Variants in CLDN16 observed in about 807,000 individuals in gnomAD.
CLDN16 encodes the protein claudin 16.
Under a neutral mutation model 24.6 loss-of-function variants are expected in CLDN16, and 13 were observed. The observed-to-expected ratio is 0.53, with a 90% CI of 0.34 to 0.84. The LOEUF (loss-of-function observed/expected upper bound fraction) is 0.84. Ranked by LOEUF, CLDN16 falls within the 40% of genes least tolerant of loss-of-function variation. The pLI is 0.01. For missense variants in CLDN16, 298 were observed against 292.7 expected, an observed-to-expected ratio of 1.02 and a Z score of -0.13; for synonymous variants, 116 against 106.7, an observed-to-expected ratio of 1.09 and a Z score of -0.54.
intron 1 of CLDN16, among the ~76,000 whole-genome samples, chr3:190,362,694 A>AT (rs1717917525): frequency 6.6e-6 from 1 of 152,022 alleles, no homozygotes; most frequent in Admixed American, 6.6e-5. Context: ...TAAATAAAAA[A>AT]TTGCAAGTTG....
At chr3:190,328,094 C>T (rs1364520997) in intron 1 of CLDN16, among the ~76,000 whole-genome samples, 1 of 141,488 alleles carries the variant, frequency 7.1e-6, no homozygotes, top group African/African-American at 2.7e-5. Flanking sequence ...CTAGCCTGAA[C>T]AAAATAGTAA....
chr3:190,335,438 G>C (rs913279819), intron 1 of CLDN16, among the ~76,000 whole-genome samples: 3 of 151,990 alleles, frequency 2.0e-5, no homozygotes, highest in Admixed American at 2.0e-4. Context: ...ATCCTGGCTG[G>C]GTGCAGTGGC....
At chr3:190,300,830 A>G in the CLDN16 span, among the ~76,000 whole-genome samples, 1 of 152,204 alleles carries the variant, frequency 6.6e-6, no homozygotes, top group Non-Finnish European at 1.5e-5. Context: ...TAAAGATGCA[A>G]TTATTAAAAG....
chr3:190,352,421 C>G (rs1208847153), intron 1 of CLDN16, among the ~76,000 whole-genome samples: 1 of 152,076 alleles, frequency 6.6e-6, no homozygotes, highest in Admixed American at 6.6e-5. Context: ...GAAGGATAAA[C>G]AAGATTAACA....
At chr3:190,341,504 G>A (rs1009790550) in intron 1 of CLDN16, among the ~76,000 whole-genome samples, 4 of 152,136 alleles carry the variant, frequency 2.6e-5, no homozygotes, top group African/African-American at 9.7e-5. Context: ...AAGTCCCTAG[G>A]CTGCACACAG....
At chr3:190,375,715 C>G (rs1021539601) in intron 3 of CLDN16, among the ~76,000 whole-genome samples, 1 of 151,850 alleles carries the variant, frequency 6.6e-6, no homozygotes, top group Non-Finnish European at 1.5e-5. Context: ...CTCTATCCAG[C>G]GAGGTTTTTG....
chr3:190,294,681 A>T, the CLDN16 span, among the ~76,000 whole-genome samples: 2 of 152,164 alleles, frequency 1.3e-5, no homozygotes, highest in Non-Finnish European at 1.5e-5. Context: ...ATTTAAAAAC[A>T]ATTTCTTCTG....
At chr3:190,319,350 A>G (rs911130449), upstream of CLDN16, among the ~76,000 whole-genome samples, 1 of 152,206 alleles carries the variant, frequency 6.6e-6, no homozygotes, top group Non-Finnish European at 1.5e-5. Flanking sequence ...TGGAAATTGT[A>G]TCAGCCATTA....
rs35041121 is a variant in CLDN16, at chr3:190,409,948, A to G, written c.620A>G (p.Tyr207Cys). 1,808 of 1,614,034 alleles carry G rather than the reference A, an allele frequency of 1.1e-3. 24 individuals are homozygous for G. The African/African-American group carries it at 0.021, about 19-fold the overall frequency. ...TATCCTTATTCCTTGAGGAAAGCCT[A>G]TTCAGCCGCGGGTGTTTCCATGGCC... ...RNYPYSLRKA[Y>C]SAAGVSMAKS... The change falls in exon 5 of 5, where the codon TAT becomes TGT. Residue 207 changes from tyrosine to cysteine, a missense_variant. Physicochemically the swap from Tyr to Cys is radical, Grantham distance 194. Transcript: ENST00000264734.
chr3:190,306,066 T>C, the CLDN16 span: 6 of 152,262 alleles, frequency 3.9e-5, no homozygotes, highest in South Asian at 4.1e-4. Flanking sequence ...ACTTTCCTTG[T>C]GTAGTTTATT....
At position 190,388,264 on chromosome 3, in the gene CLDN16, C is replaced by T. The variant is rs200400125; in HGVS notation, c.-66C>T. 17 of 1,609,488 alleles carry T rather than the reference C, an allele frequency of 1.1e-5. No homozygotes were observed. Among genetic ancestry groups the T allele is most frequent in the South Asian group, 9.9e-5 (9 of 90,938 alleles). ...ACCAGAAACACAGAAGACTGACACCCGCCACTTAAGTGGGGCCAGGGCTGG... is the reference window on the plus strand; with the variant it reads ...ACCAGAAACACAGAAGACTGACACCTGCCACTTAAGTGGGGCCAGGGCTGG... On this transcript the variant is annotated 5_prime_UTR_variant, in exon 1 of 5. Coordinates refer to ENST00000264734, the MANE Select transcript of CLDN16 (RefSeq NM_006580.4).
upstream of CLDN16, among the ~76,000 whole-genome samples, chr3:190,318,166 A>G (rs1716819653): frequency 6.6e-6 from 1 of 152,176 alleles, no homozygotes; most frequent in South Asian, 2.1e-4. Context: ...CTCAGAACAT[A>G]AGCAAAATCA....
At chr3:190,338,713 A>C (rs370482283) in intron 1 of CLDN16, among the ~76,000 whole-genome samples, 5 of 152,236 alleles carry the variant, frequency 3.3e-5, no homozygotes, top group East Asian at 1.9e-4. Context: ...GCTGTAATTC[A>C]TCCTACAAAT....
chr3:190,294,595 A>G, the CLDN16 span, among the ~76,000 whole-genome samples: 1 of 152,116 alleles, frequency 6.6e-6, no homozygotes, highest in Non-Finnish European at 1.5e-5. Flanking sequence ...AACAAAATAA[A>G]CTTTCTTTAA....
intron 1 of CLDN16, among the ~76,000 whole-genome samples, chr3:190,343,870 G>C (rs1178230788): frequency 6.6e-6 from 1 of 152,016 alleles, no homozygotes; most frequent in Non-Finnish European, 1.5e-5. Flanking sequence ...AGCAACGTAG[G>C]ATGAACAAGT....
At chr3:190,392,059 C>CTTT (rs35220103) in intron 1 of CLDN16, among the ~76,000 whole-genome samples, 10 of 126,098 alleles carry the variant, frequency 7.9e-5, no homozygotes, top group African/African-American at 1.1e-4. Flanking sequence ...CCTTTTCAGT[C>CTTT]TTTTTTTTTT....
chr3:190,409,246 G>GTATACGCATGTA (rs1719202138), intron 4 of CLDN16, among the ~76,000 whole-genome samples: 2 of 151,626 alleles, frequency 1.3e-5, no homozygotes, highest in African/African-American at 4.9e-5. Flanking sequence ...ATGCACACAC[G>GTATACGCATGTA]TATATGCATG....
chr3:190,300,489 T>C, the CLDN16 span, among the ~76,000 whole-genome samples: 1 of 152,194 alleles, frequency 6.6e-6, no homozygotes, highest in Non-Finnish European at 1.5e-5. Flanking sequence ...CTAAAGCTGG[T>C]CCACAGCCTG....
intron 1 of CLDN16, among the ~76,000 whole-genome samples, chr3:190,398,631 C>G (rs928587797): frequency 1.3e-5 from 2 of 152,184 alleles, no homozygotes; most frequent in Admixed American, 1.3e-4. Flanking sequence ...CTTTCTCCAC[C>G]TTCACTGTGG....
Sources: gnomAD v4.1 joint callset for allele counts (sites outside exome capture counted in the v4.1 genomes callset) on GRCh38, gnomAD v4.1.1 for gene constraint, MANE v1.5 for transcripts, NCBI Gene and HGNC (gene_info 2026-07-23, HGNC 2026-07-21) for gene names.